C8orf34: variants seen among roughly 807,000 people sequenced by gnomAD.
The protein encoded by C8orf34 is uncharacterized protein C8orf34.
In C8orf34, 65 loss-of-function variants were observed where a neutral mutation model predicts 68.3. That is an observed-to-expected ratio of 0.95 (90% CI 0.78 to 1.17). The LOEUF is 1.17. Ranked by LOEUF, C8orf34 falls within the 50% of genes most tolerant of loss-of-function variation. The pLI, the probability that C8orf34 is intolerant of heterozygous loss-of-function variation, is 0.00. For synonymous variants in C8orf34, 244 were observed against 241.2 expected, an observed-to-expected ratio of 1.01 and a Z score of -0.11; for missense variants, 664 against 655.4, an observed-to-expected ratio of 1.01 and a Z score of -0.14.
At chr8:68,720,000 T>G (rs554983711) in intron 9 of C8orf34, among the ~76,000 whole-genome samples, 4 of 152,042 alleles carry the variant, frequency 2.6e-5, no homozygotes, top group South Asian at 2.1e-4. Context: ...ATTGTCAGCT[T>G]TACAATTGGG....
chr8:68,571,640 T>A (rs1249949659), intron 7 of C8orf34, among the ~76,000 whole-genome samples: 1 of 152,202 alleles, frequency 6.6e-6, no homozygotes, highest in Non-Finnish European at 1.5e-5. Flanking sequence ...GTGTGCAAGC[T>A]TATATATTAT....
intron 5 of C8orf34, among the ~76,000 whole-genome samples, chr8:68,505,240 G>T (rs568263808): frequency 6.6e-6 from 1 of 152,202 alleles, no homozygotes; most frequent in Non-Finnish European, 1.5e-5. Context: ...TGAGAGTGAA[G>T]TAGTATTTCA....
chr8:68,781,640 A>G (rs1385124046), intron 11 of C8orf34, among the ~76,000 whole-genome samples: 1 of 152,190 alleles, frequency 6.6e-6, no homozygotes, highest in Non-Finnish European at 1.5e-5. Context: ...ATGTAGCCTT[A>G]TGGGTTGAGC....
Position 68,463,704 on chromosome 8 carries a change from C to T in C8orf34, c.608-4988C>T, listed in dbSNP as rs189267214. Among the ~76,000 whole-genome samples, 329 of 152,236 alleles carry T rather than the reference C, an allele frequency of 2.2e-3. 1 individual carries two copies. The highest frequency in any genetic ancestry group is 7.1e-3 in the African/African-American group (296 of 41,542). On this transcript the variant is annotated intron_variant, in intron 3 of 13. Transcript: ENST00000518698. Reference sequence around the variant, plus strand: ...AAAGACAAAAACCACATGATTATCTCAATAGATGCAGAAAAGGCCTTTGAA... The same window carrying T: ...AAAGACAAAAACCACATGATTATCTTAATAGATGCAGAAAAGGCCTTTGAA...
chr8:68,471,563 G>A lies in C8orf34; in HGVS notation c.736+2743G>A, dbSNP rs928217426. On this transcript the variant is annotated intron_variant, in intron 4 of 13. Transcript: ENST00000518698. Reference sequence around the variant, plus strand: ...TTATTTGACTCTTATAATAGTTTCAGCTTGTTAACTCTTTTTCTATGATAG... The same window carrying A: ...TTATTTGACTCTTATAATAGTTTCAACTTGTTAACTCTTTTTCTATGATAG... Among the ~76,000 whole-genome samples the A allele has an allele frequency of 4.6e-5, 7 of 152,040 alleles. No homozygotes were observed. In the South Asian group the frequency reaches 6.2e-4, roughly 13 times the overall value.
At chr8:68,600,479 TA>T in intron 7 of C8orf34, among the ~76,000 whole-genome samples, 1 of 152,164 alleles carries the variant, frequency 6.6e-6, no homozygotes, top group Non-Finnish European at 1.5e-5. Flanking sequence ...CCTGTTTTAA[TA>T]AATCTCTTTA....
chr8:68,788,314 A>C (rs1298376910), intron 12 of C8orf34, among the ~76,000 whole-genome samples: 1 of 152,228 alleles, frequency 6.6e-6, no homozygotes, highest in Non-Finnish European at 1.5e-5. Flanking sequence ...CATTATAATC[A>C]TGAATCTGGA....
chr8:68,747,133 C>T (rs1237465981), intron 10 of C8orf34, among the ~76,000 whole-genome samples: 2 of 152,116 alleles, frequency 1.3e-5, no homozygotes, highest in Middle Eastern at 6.8e-3. Flanking sequence ...AAGACAAAAA[C>T]CACATGATTA....
Position 68,459,956 on chromosome 8 carries a change from T to C in C8orf34, c.608-8736T>C, listed in dbSNP as rs552125375. ...AGTGGGCGCAGGACAGTGGGTGCAG[T>C]GCACTATGCGCGAGCCGAAGCAGGA... On this transcript the variant is annotated intron_variant, in intron 3 of 13. Transcript: ENST00000518698. 2.1e-3 allele frequency among the ~76,000 whole-genome samples: 327 copies of C among 152,254 alleles called. 1 individual carries two copies. Among genetic ancestry groups the C allele is most frequent in the African/African-American group, 7.1e-3 (294 of 41,554 alleles).
intron 3 of C8orf34, among the ~76,000 whole-genome samples, chr8:68,450,086 A>G (rs568173506): frequency 1.3e-5 from 2 of 152,270 alleles, no homozygotes; most frequent in African/African-American, 4.8e-5. Flanking sequence ...TAACATTTTA[A>G]CAATATTCAC....
intron 8 of C8orf34, among the ~76,000 whole-genome samples, chr8:68,704,418 T>C (rs1821106316): frequency 6.6e-6 from 1 of 152,126 alleles, no homozygotes; most frequent in Non-Finnish European, 1.5e-5. Flanking sequence ...CAAAAGCGGT[T>C]TGGAGTTTAT....
At chr8:68,440,695 G>A (rs532812117) in intron 2 of C8orf34, among the ~76,000 whole-genome samples, 1 of 152,126 alleles carries the variant, frequency 6.6e-6, no homozygotes, top group East Asian at 1.9e-4. Context: ...GTACTAAGAT[G>A]GTACCCACCA....
intron 10 of C8orf34, among the ~76,000 whole-genome samples, chr8:68,758,422 T>C (rs979636255): frequency 2.0e-5 from 3 of 152,158 alleles, no homozygotes; most frequent in African/African-American, 7.2e-5. Context: ...GATGGTTCTT[T>C]TATGAAGTTA....
intron 11 of C8orf34, among the ~76,000 whole-genome samples, chr8:68,777,834 T>C (rs918394716): frequency 4.6e-5 from 7 of 152,234 alleles, no homozygotes; most frequent in Admixed American, 2.0e-4. Flanking sequence ...CTTATTCATC[T>C]GCTCTCAATA....
At chr8:68,463,208 C>T (rs189423194) in intron 3 of C8orf34, among the ~76,000 whole-genome samples, 1 of 152,138 alleles carries the variant, frequency 6.6e-6, no homozygotes, top group East Asian at 1.9e-4. Flanking sequence ...GGATAAATTC[C>T]TTGACACATA....
intron 5 of C8orf34, among the ~76,000 whole-genome samples, chr8:68,519,349 A>G (rs1437410704): frequency 6.6e-6 from 1 of 152,226 alleles, no homozygotes; most frequent in East Asian, 1.9e-4. Context: ...TTTCGTATAC[A>G]TATGTGTGTA....
intron 10 of C8orf34, among the ~76,000 whole-genome samples, chr8:68,744,482 T>C (rs1296158073): frequency 1.8e-4 from 27 of 150,230 alleles, no homozygotes; most frequent in Admixed American, 3.3e-4. Flanking sequence ...GTTGAAAACT[T>C]TGAAAAAAAT....
intron 8 of C8orf34, among the ~76,000 whole-genome samples, chr8:68,678,741 A>G (rs1262182861): frequency 6.6e-6 from 1 of 152,118 alleles, no homozygotes. Flanking sequence ...AGTCCTAGCT[A>G]GAGCAATCAG....
At chr8:68,630,467 T>C (rs1185077731) in intron 7 of C8orf34, among the ~76,000 whole-genome samples, 2 of 152,152 alleles carry the variant, frequency 1.3e-5, no homozygotes. Context: ...GACTCATGAA[T>C]TCAACAGTAC....
Sources: gnomAD v4.1 joint callset for allele counts (sites outside exome capture counted in the v4.1 genomes callset) on GRCh38, gnomAD v4.1.1 for gene constraint, MANE v1.5 for transcripts, NCBI Gene and HGNC (gene_info 2026-07-23, HGNC 2026-07-21) for gene names.